KMT2C: variants seen among roughly 807,000 people sequenced by gnomAD.
KMT2C encodes the protein histone-lysine N-methyltransferase 2C.
In KMT2C, 88 loss-of-function variants were observed where a neutral mutation model predicts 507.9. The ratio of observed to expected loss-of-function variants is 0.17; its 90% CI spans 0.15 to 0.21. The LOEUF is 0.21. Ranked by LOEUF, KMT2C falls within the 10% of genes least tolerant of loss-of-function variation. The pLI, the probability that KMT2C is intolerant of heterozygous loss-of-function variation, is 1.00. For missense variants in KMT2C, 4,954 were observed against 5,957.8 expected, an observed-to-expected ratio of 0.83 and a Z score of 5.55; for synonymous variants, 2,049 against 2,080.8, an observed-to-expected ratio of 0.98 and a Z score of 0.42.
chr7:152,428,418 G>C (rs1423392151), intron 1 of KMT2C, among the ~76,000 whole-genome samples: 7 of 141,714 alleles, frequency 4.9e-5, no homozygotes, highest in Admixed American at 3.8e-4. Flanking sequence ...TTCGAGACCA[G>C]CCTGGCCAAC....
At chr7:152,233,184 T>C (rs2360914) in intron 16 of KMT2C, among the ~76,000 whole-genome samples, 1 of 152,088 alleles carries the variant, frequency 6.6e-6, no homozygotes, top group East Asian at 1.9e-4. Context: ...AGAAAGAAAA[T>C]AGTATCATCT....
chr7:152,371,817 T>C (rs1260917203), intron 1 of KMT2C, among the ~76,000 whole-genome samples: 3 of 152,216 alleles, frequency 2.0e-5, no homozygotes, highest in East Asian at 1.9e-4. Context: ...TTTCACCATA[T>C]TGGCCATGCT....
rs12674022 is a variant in KMT2C, at chr7:152,250,888, T to C, written c.1700A>G (p.Asn567Ser). The change falls in exon 12 of 59, where the codon AAC becomes AGC. Residue 567 changes from asparagine to serine, a missense_variant. Physicochemically the swap from Asn to Ser is conservative, Grantham distance 46. Transcript: ENST00000262189. ...FSEQAANKDV[N>S]GQESTPGIVP... is the part of the protein sequence containing the mutation. The stretch of plus-strand genomic sequence containing the variant: ...AATTCCAGGAGTGGACTCCTGACCG[T>C]TGACATCTTTATTAGCTGCCTGCTC... 1.8e-4 allele frequency: 293 copies of C among 1,608,658 alleles called. 1 individual carries two copies. The highest frequency in any genetic ancestry group is 7.7e-4 in the South Asian group (70 of 90,970).
chr7:152,176,018 G>A (rs1487534518), intron 38 of KMT2C, among the ~76,000 whole-genome samples, 173 bp downstream of exon 38: 1 of 152,156 alleles, frequency 6.6e-6, no homozygotes, highest in East Asian at 1.9e-4. Context: ...ACTCCATCTT[G>A]GGTGACACAG....
chr7:152,288,080 A>T (rs897834086), intron 6 of KMT2C, among the ~76,000 whole-genome samples: 5 of 151,426 alleles, frequency 3.3e-5, no homozygotes, highest in African/African-American at 1.2e-4. Context: ...CAAAGGAAAC[A>T]ATACAAAGTT....
chr7:152,300,715 C>T (rs2096558343), intron 6 of KMT2C, among the ~76,000 whole-genome samples: 2 of 152,208 alleles, frequency 1.3e-5, no homozygotes, highest in African/African-American at 4.8e-5. Context: ...TTGTGGACCC[C>T]TGACACAAAT....
At chr7:152,259,438 A>ACACACGCG (rs1219620886) in intron 9 of KMT2C, among the ~76,000 whole-genome samples, 5 of 108,172 alleles carry the variant, frequency 4.6e-5, no homozygotes, top group Non-Finnish European at 8.7e-5. Context: ...ACACAGACAC[A>ACACACGCG]CACACGCGCA....
intron 1 of KMT2C, among the ~76,000 whole-genome samples, chr7:152,415,842 G>A (rs527721130): frequency 6.6e-5 from 10 of 152,288 alleles, no homozygotes; most frequent in East Asian, 1.9e-4. Context: ...ATCGTGCCAC[G>A]GCACTCCAGC....
In KMT2C at chr7:152,139,802, G is replaced by A. The variant is rs2129089977; in HGVS notation, c.14344-11C>T. On this transcript the variant is annotated splice_polypyrimidine_tract_variant and intron_variant, in intron 55 of 58. Coordinates refer to ENST00000262189, the MANE Select transcript of KMT2C (RefSeq NM_170606.3). ...ATACAGGCCCAGCCCCTAAAAAAAA[G>A]TGTGTACATACTTCCAATTTATGTG... 6.3e-7 allele frequency: 1 copy of A among 1,579,370 alleles called. No individual in the cohort carries two copies. Among genetic ancestry groups the A allele is most frequent in the Non-Finnish European group, 8.7e-7 (1 of 1,149,038 alleles).
chr7:152,220,850 A>T, intron 22 of KMT2C, 115 bp from the exon 23 acceptor site: 2 of 709,594 alleles, frequency 2.8e-6, no homozygotes, highest in Non-Finnish European at 4.8e-6. Flanking sequence ...GAAAGCAATT[A>T]CGTATCTATG....
At chr7:152,153,949 G>C in intron 48 of KMT2C, 61 bp downstream of exon 48, 1 of 1,524,300 alleles carries the variant, frequency 6.6e-7, no homozygotes. Context: ...GTAGACACCT[G>C]ACCCATCTTT....
intron 1 of KMT2C, among the ~76,000 whole-genome samples, chr7:152,386,535 C>G (rs971757196): frequency 1.3e-5 from 2 of 152,310 alleles, no homozygotes; most frequent in African/African-American, 4.8e-5. Context: ...CTGGTCTGGA[C>G]AATGAAATGT....
Position 152,148,021 on chromosome 7 carries a change from G to A in KMT2C, c.13894+12C>T, listed in dbSNP as rs749627196. On this transcript the variant is annotated intron_variant, in intron 52 of 58. Transcript: ENST00000262189. The surrounding 1 kb of genome is among the most constrained non-coding windows in gnomAD (Gnocchi z 7.1). ...AAGTAGCACTGCACAGCATGTGAAC[G>A]GCAGACGTTACCTTTAGGTGAGATG... The A allele has an allele frequency of 3.1e-5, 48 of 1,556,366 alleles. No homozygotes were observed. Among genetic ancestry groups the A allele is most frequent in the East Asian group, 9.1e-5 (4 of 44,140 alleles).
At position 152,345,854 on chromosome 7, in the gene KMT2C, C is replaced by T. The variant is rs1193521717; in HGVS notation, c.250+12733G>A. Among the ~76,000 whole-genome samples the T allele has an allele frequency of 3.3e-5, 5 of 151,990 alleles. 1 individual carries two copies. The highest frequency in any genetic ancestry group is 5.9e-5 in the Non-Finnish European group (4 of 67,996). ...ATTTTTTAAAAAGAAAACCCAAGTACATATTGTCTACAAAAAAACCCCACT... is the reference window on the plus strand; with the variant it reads ...ATTTTTTAAAAAGAAAACCCAAGTATATATTGTCTACAAAAAAACCCCACT... On this transcript the variant is annotated intron_variant, in intron 2 of 58. Coordinates refer to ENST00000262189, the MANE Select transcript of KMT2C (RefSeq NM_170606.3).
intron 16 of KMT2C, among the ~76,000 whole-genome samples, chr7:152,234,135 TC>T (rs1188364793): frequency 6.8e-6 from 1 of 146,380 alleles, no homozygotes. Context: ...CGCCTGTAAT[TC>T]CAACACTTTG....
intron 1 of KMT2C, among the ~76,000 whole-genome samples, chr7:152,362,884 G>A (rs935639390): frequency 4.6e-5 from 7 of 152,138 alleles, no homozygotes; most frequent in African/African-American, 1.7e-4. Context: ...TTTGGCACTA[G>A]GAAGACATGC....
chr7:152,386,548 G>T (rs1361312596), intron 1 of KMT2C, among the ~76,000 whole-genome samples: 1 of 152,312 alleles, frequency 6.6e-6, no homozygotes, highest in Non-Finnish European at 1.5e-5. Flanking sequence ...TGAAATGTGG[G>T]CAAAAGTGAA....
rs145484802 is a variant in KMT2C at position 152,187,764 on chromosome 7, C to T, written c.4744G>A (p.Gly1582Arg). Residue 1582 changes from glycine to arginine, a missense_variant, in exon 32 of 59, where the codon GGA becomes AGA. Gly to Arg is a moderately radical substitution (Grantham distance 125, BLOSUM62 -2). Around this residue, in one of 29 missense-constraint regions of KMT2C, gnomAD observed 195 missense variants for 183.7 expected, o/e 1.06. Transcript: ENST00000262189. ...GCAATTGCAGAGAAAGTTCCCAGTC[C>T]GCTTCCAGGTGGCAAAGAATTATGT... ...LPHNSLPPGS[G>R]LGTFSAIAQS... The T allele has an allele frequency of 3.7e-5, 59 of 1,613,970 alleles. No homozygotes were observed. In the African/African-American group the frequency reaches 3.7e-4, roughly 10 times the overall value.
intron 1 of KMT2C, among the ~76,000 whole-genome samples, chr7:152,371,440 A>T (rs1399056328): frequency 6.6e-6 from 1 of 152,196 alleles, no homozygotes; most frequent in Non-Finnish European, 1.5e-5. Context: ...TCATCAAATC[A>T]CAAAGGAAGA....
Sources: gnomAD v4.1 joint callset for allele counts (sites outside exome capture counted in the v4.1 genomes callset) on GRCh38, gnomAD v4.1.1 for gene constraint, gnomAD v4.1.1 regional missense constraint, Gnocchi (gnomAD v3.1) non-coding constraint, MANE v1.5 for transcripts, NCBI Gene and HGNC (gene_info 2026-07-23, HGNC 2026-07-21) for gene names.